PSD3: variants seen among roughly 807,000 people sequenced by gnomAD.
The protein encoded by PSD3 is pleckstrin and Sec7 domain containing 3.
A neutral mutation model predicts 105.5 loss-of-function variants in PSD3; 49 were observed. The observed-to-expected ratio is 0.46, with a 90% CI of 0.37 to 0.59. The LOEUF is 0.59. Among genes scored for constraint, PSD3 ranks in the 20% least tolerant of loss-of-function variants. The pLI is 0.00. For missense variants in PSD3, 1,561 were observed against 1,263.8 expected, an observed-to-expected ratio of 1.24 and a Z score of -3.57; for synonymous variants, 557 against 457.8, an observed-to-expected ratio of 1.22 and a Z score of -2.77.
At chr8:18,701,105 A>G (rs1320771038) in intron 9 of PSD3, among the ~76,000 whole-genome samples, 1 of 149,254 alleles carries the variant, frequency 6.7e-6, no homozygotes, top group Non-Finnish European at 1.5e-5. Flanking sequence ...AGCTGAGACC[A>G]CAGGTGTGTG....
chr8:18,605,084 A>G (rs906967021), intron 11 of PSD3, among the ~76,000 whole-genome samples: 2 of 152,192 alleles, frequency 1.3e-5, no homozygotes, highest in Non-Finnish European at 1.5e-5. Context: ...TACCTAGTGG[A>G]GCTGTGAGAA....
intron 4 of PSD3, among the ~76,000 whole-genome samples, chr8:18,857,840 G>A (rs1816138855): frequency 6.6e-6 from 1 of 152,170 alleles, no homozygotes; most frequent in South Asian, 2.1e-4. Flanking sequence ...CAGTGTGTGT[G>A]ATTTTTAAGG....
intron 12 of PSD3, among the ~76,000 whole-genome samples, chr8:18,579,154 G>A (rs1423053661): frequency 6.9e-6 from 1 of 145,662 alleles, no homozygotes; most frequent in Admixed American, 6.8e-5. Context: ...ACCAAGAGTA[G>A]AGTGGAAACA....
At chr8:18,795,458 T>C (rs1299010418) in intron 8 of PSD3, among the ~76,000 whole-genome samples, 1 of 152,214 alleles carries the variant, frequency 6.6e-6, no homozygotes, top group Non-Finnish European at 1.5e-5. Context: ...GCCTTGATGT[T>C]AAAAGGTACA....
intron 1 of PSD3, among the ~76,000 whole-genome samples, chr8:18,936,689 C>G (rs1349113819): frequency 6.6e-6 from 1 of 150,986 alleles, no homozygotes; most frequent in African/African-American, 2.4e-5. Flanking sequence ...ACCAGGGAGG[C>G]AGAGGCTGCA....
chr8:18,870,141 C>T (rs993607533), intron 3 of PSD3, among the ~76,000 whole-genome samples: 1 of 152,068 alleles, frequency 6.6e-6, no homozygotes, highest in Non-Finnish European at 1.5e-5. Context: ...AGGAGCACCA[C>T]TCTCAGTGGG....
At chr8:19,039,042 C>T (rs897076234) in intron 1 of PSD3, among the ~76,000 whole-genome samples, 1 of 152,142 alleles carries the variant, frequency 6.6e-6, no homozygotes, top group African/African-American at 2.4e-5. Flanking sequence ...TTATCTTAAT[C>T]CCCGGCAATT....
At chr8:18,905,959 C>T (rs751388774) in intron 2 of PSD3, among the ~76,000 whole-genome samples, 5 of 152,030 alleles carry the variant, frequency 3.3e-5, no homozygotes, top group South Asian at 2.1e-4. Flanking sequence ...GAATGAGATA[C>T]GCTTTGCAAA....
At chr8:18,963,049 C>G (rs1168183440) in intron 1 of PSD3, among the ~76,000 whole-genome samples, 1 of 152,144 alleles carries the variant, frequency 6.6e-6, no homozygotes, top group Admixed American at 6.5e-5. Context: ...GGGGAGGTCT[C>G]AGAATCATGG....
At chr8:18,542,215 C>T (rs552381744) in intron 15 of PSD3, among the ~76,000 whole-genome samples, 8 of 152,264 alleles carry the variant, frequency 5.3e-5, no homozygotes, top group Admixed American at 4.6e-4. Flanking sequence ...GAAGAGAATG[C>T]TCTACATTTG....
At chr8:18,653,942 T>C (rs1007502085) in intron 10 of PSD3, among the ~76,000 whole-genome samples, 1 of 152,216 alleles carries the variant, frequency 6.6e-6, no homozygotes, top group Non-Finnish European at 1.5e-5. Context: ...GATGTCCTTT[T>C]TGCATTTCAG....
intron 11 of PSD3, among the ~76,000 whole-genome samples, chr8:18,610,561 T>C (rs1805187489): frequency 6.6e-6 from 1 of 152,242 alleles, no homozygotes; most frequent in Non-Finnish European, 1.5e-5. Context: ...GAATCATTCA[T>C]TGCTCAATTA....
intron 11 of PSD3, among the ~76,000 whole-genome samples, chr8:18,610,977 A>C (rs1459390626): frequency 6.6e-6 from 1 of 152,220 alleles, no homozygotes; most frequent in African/African-American, 2.4e-5. Flanking sequence ...TAATTACTTT[A>C]TAATGTTGTT....
intron 4 of PSD3, among the ~76,000 whole-genome samples, chr8:18,858,409 G>C (rs1429106381): frequency 6.6e-6 from 1 of 152,200 alleles, no homozygotes; most frequent in Admixed American, 6.5e-5. Flanking sequence ...ACTGATCAGG[G>C]TGGTGGTTGC....
At chr8:18,554,825 T>A (rs902032557) in intron 15 of PSD3, among the ~76,000 whole-genome samples, 2 of 152,070 alleles carry the variant, frequency 1.3e-5, no homozygotes, top group Non-Finnish European at 2.9e-5. Context: ...AGGTTTTTCA[T>A]AGGAGGAATT....
intron 9 of PSD3, among the ~76,000 whole-genome samples, chr8:18,713,369 A>G (rs941981965): frequency 1.3e-5 from 2 of 152,172 alleles, no homozygotes; most frequent in Non-Finnish European, 2.9e-5. Context: ...ATATAAACCT[A>G]TATCTAGAAA....
chr8:19,049,690 CAAAAAAAAA>C (rs10584051), intron 1 of PSD3, among the ~76,000 whole-genome samples: 3 of 64,352 alleles, frequency 4.7e-5, no homozygotes, highest in African/African-American at 1.0e-4. Context: ...GACCCTGTCT[CAAAAAAAAA>C]AAAAAAAAAA....
At chr8:18,541,193 C>T (rs1019342860) in intron 15 of PSD3, among the ~76,000 whole-genome samples, 1 of 150,970 alleles carries the variant, frequency 6.6e-6, no homozygotes, top group African/African-American at 2.4e-5. Context: ...TCCTCCTTTG[C>T]CCCCCAATAC....
At chr8:18,857,392 C>T (rs982722309) in intron 4 of PSD3, among the ~76,000 whole-genome samples, 5 of 152,116 alleles carry the variant, frequency 3.3e-5, no homozygotes, top group African/African-American at 1.2e-4. Context: ...TAACCAGGTC[C>T]AGGTGATGTC....
Sources: gnomAD v4.1 joint callset for allele counts (sites outside exome capture counted in the v4.1 genomes callset) on GRCh38, gnomAD v4.1.1 for gene constraint, MANE v1.5 for transcripts, NCBI Gene and HGNC (gene_info 2026-07-23, HGNC 2026-07-21) for gene names.